DPH1: variants seen among roughly 807,000 people sequenced by gnomAD.
DPH1 encodes the protein diphthamide biosynthesis 1.
In DPH1, 59 loss-of-function variants were observed where a neutral mutation model predicts 55.3. The ratio of observed to expected loss-of-function variants is 1.07; its 90% CI spans 0.87 to 1.33. DPH1 has a LOEUF of 1.33. Ranked by LOEUF, DPH1 falls within the 40% of genes most tolerant of loss-of-function variation. The pLI is 0.00. For missense variants in DPH1, 628 were observed against 584.8 expected, an observed-to-expected ratio of 1.07 and a Z score of -0.76; for synonymous variants, 238 against 235.5, an observed-to-expected ratio of 1.01 and a Z score of -0.10.
At chr17:2,039,968 C>A (rs1324440903) in intron 7 of DPH1, 145 bp downstream of exon 7, 3 of 1,301,388 alleles carry the variant, frequency 2.3e-6, no homozygotes, top group African/African-American at 1.5e-5. Flanking sequence ...TGGATCTGGG[C>A]ATTAGCCCCA....
At chr17:2,035,285 G>T (rs1031489540) in intron 3 of DPH1, among the ~76,000 whole-genome samples, 1 of 150,128 alleles carries the variant, frequency 6.7e-6, no homozygotes, top group Admixed American at 6.6e-5. Flanking sequence ...CAGTTCCCAC[G>T]GCAGTGTTCT....
chr17:2,041,956 G>A (rs2067537702), intron 12 of DPH1, 81 bp downstream of exon 12: 5 of 1,522,328 alleles, frequency 3.3e-6, no homozygotes, highest in Non-Finnish European at 3.5e-6. Context: ...CCGCCCTCGG[G>A]GCGGTGCTGA....
intron 6 of DPH1, 139 bp from the exon 7 acceptor site, chr17:2,039,616 A>T (rs2067481377): frequency 2.2e-6 from 2 of 924,934 alleles, no homozygotes; most frequent in Non-Finnish European, 3.5e-6. Context: ...TGACCTCATG[A>T]TCCGCCCGCC....
intron 9 of DPH1, 123 bp from the exon 10 acceptor site, chr17:2,040,980 T>G (rs1461044779): frequency 5.2e-6 from 5 of 957,062 alleles, no homozygotes; most frequent in South Asian, 2.8e-5. Context: ...TCACTGTCTT[T>G]ACTTTAGGAT....
chr17:2,041,656 C>T, intron 11 of DPH1, 35 bp downstream of exon 11: 1 of 1,589,514 alleles, frequency 6.3e-7, no homozygotes, highest in Non-Finnish European at 8.6e-7. Context: ...GGAGAGACCG[C>T]GCCTGGGCAC....
intron 9 of DPH1, 90 bp from the exon 10 acceptor site, chr17:2,041,013 G>C: frequency 1.6e-6 from 2 of 1,222,930 alleles, no homozygotes; most frequent in East Asian, 2.5e-5. Flanking sequence ...TTAATGAATG[G>C]GTGTGCTGGG....
At position 2,037,484 on chromosome 17, in the gene DPH1, T is replaced by C. The variant is rs1205121471; in HGVS notation, c.680+528T>C. On this transcript the variant is annotated intron_variant, in intron 6 of 12. Coordinates refer to ENST00000263083, the MANE Select transcript of DPH1 (RefSeq NM_001383.6). ...TGACTCAGTCCCACCTCTGGGGCTTTGGAGGCTGTTTCCACAGGCCTGACA... is the reference window on the plus strand; with the variant it reads ...TGACTCAGTCCCACCTCTGGGGCTTCGGAGGCTGTTTCCACAGGCCTGACA... 2.0e-5 allele frequency among the ~76,000 whole-genome samples: 3 copies of C among 152,068 alleles called. No individual in the cohort carries two copies. The East Asian group carries it at 5.8e-4, about 29-fold the overall frequency.
chr17:2,034,985 T>C (rs954215994), intron 3 of DPH1: 1 of 150,996 alleles, frequency 6.6e-6, no homozygotes, highest in Non-Finnish European at 1.5e-5. Flanking sequence ...TTAAGTGCTG[T>C]GGCTGACTTA....
intron 6 of DPH1, among the ~76,000 whole-genome samples, chr17:2,038,746 C>T (rs1442781904): frequency 6.6e-6 from 1 of 152,172 alleles, no homozygotes; most frequent in Non-Finnish European, 1.5e-5. Context: ...TTACTGCTGG[C>T]GTAGATGACT....
chr17:2,033,079 T>C (rs2067353110), intron 1 of DPH1, among the ~76,000 whole-genome samples: 1 of 152,120 alleles, frequency 6.6e-6, no homozygotes, highest in African/African-American at 2.4e-5. Context: ...TAAAGTGAAT[T>C]AAGGGCTGGG....
rs1407563761 is a variant in DPH1 at position 2,041,885 on chromosome 17, C to A, written c.*18+10C>A. On this transcript the variant is annotated intron_variant, in intron 12 of 12. Transcript: ENST00000263083. ...CGCTCCCGGGCCTCAGGTATCAGCC[C>A]CCGCTCTGGGTGCGCCCCGCCTTTT... The A allele has an allele frequency of 6.4e-7, 1 of 1,564,630 alleles. No homozygotes were observed. Among genetic ancestry groups the A allele is most frequent in the South Asian group, 1.2e-5 (1 of 86,186 alleles).
rs573290529 is a variant in DPH1, at chr17:2,036,442, C to T, written c.401-87C>T. 1.5e-4 allele frequency: 235 copies of T among 1,533,180 alleles called. No homozygotes were observed. The highest frequency in any genetic ancestry group is 1.4e-3 in the African/African-American group (105 of 73,534). 95.0% of individuals were successfully genotyped at this position (1,533,180 alleles called of 1,614,324 possible). A position where few individuals can be genotyped will look rare whatever the true frequency, so the allele number is the denominator to read the frequency against. On this transcript the variant is annotated intron_variant, in intron 4 of 12. Transcript: ENST00000263083. The surrounding 1 kb of genome is among the most constrained non-coding windows in gnomAD (Gnocchi z 4.8). ...TTTTACCCCCAGGCTGAAGCCACTG[C>T]GCCTGGCTGCTCAGAGACCTGAGCC...
In DPH1 at chr17:2,041,014, G is replaced by C; in HGVS notation, c.1008-89G>C. ...ATTCATAAAGCCTGTTAATGAATGG[G>C]TGTGCTGGGGGCACTGTCATGTTCT... is the stretch of plus-strand genomic sequence containing the variant. On this transcript the variant is annotated intron_variant, in intron 9 of 12. Coordinates refer to ENST00000263083, the MANE Select transcript of DPH1 (RefSeq NM_001383.6). 4.8e-6 allele frequency: 6 copies of C among 1,242,186 alleles called. No individual in the cohort carries two copies. In the South Asian group the frequency reaches 7.7e-5, roughly 16 times the overall value. The allele number at this position is 1,242,186 out of a possible 1,614,324, so 76.9% of individuals were successfully genotyped here.
At position 2,042,841 on chromosome 17, in the gene DPH1, T is replaced by G; in HGVS notation, c.*255T>G. The G allele has an allele frequency of 1.2e-6, 2 of 1,614,110 alleles. No homozygotes were observed. Among genetic ancestry groups the G allele is most frequent in the Non-Finnish European group, 8.5e-7 (1 of 1,180,024 alleles). ...CCAGGCAGGCGATCCCCGCTTCCCC[T>G]TGCCACGGTTTATCCTCTTGGTGTC... On this transcript the variant is annotated 3_prime_UTR_variant, in exon 13 of 13. Coordinates refer to ENST00000263083, the MANE Select transcript of DPH1 (RefSeq NM_001383.6).
In DPH1 at chr17:2,030,174, C is replaced by T. The variant is rs778705666; in HGVS notation, c.5C>T (p.Ala2Val). 3.1e-6 allele frequency: 5 copies of T among 1,602,678 alleles called. No homozygotes were observed. Among genetic ancestry groups the T allele is most frequent in the Middle Eastern group, 1.7e-4 (1 of 6,022 alleles). MAALVVSGAAEQ... is the reference protein window; with the variant it reads MVALVVSGAAEQ... ...TACCACATGCGCAGGCAGGTGATGG[C>T]GGCGCTGGTCGTATCCGGGGCAGCG... The change falls in exon 1 of 13, where the codon GCG becomes GTG. Residue 2 changes from alanine (A) to valine (V), a missense_variant. By Grantham distance (64) the Ala-to-Val change is moderately conservative. Coordinates refer to ENST00000263083, the MANE Select transcript of DPH1 (RefSeq NM_001383.6).
At chr17:2,039,655 G>C (rs963098661) in intron 6 of DPH1, 100 bp from the exon 7 acceptor site, 8 of 1,441,150 alleles carry the variant, frequency 5.6e-6, no homozygotes, top group Non-Finnish European at 7.8e-6. Context: ...GGGATTACAG[G>C]CGTGAGCCAC....
At chr17:2,032,532 C>T (rs2067344945) in intron 1 of DPH1, among the ~76,000 whole-genome samples, 1 of 152,198 alleles carries the variant, frequency 6.6e-6, no homozygotes, top group East Asian at 1.9e-4. Flanking sequence ...GGATCTGGCC[C>T]TTAAACTTGG....
intron 12 of DPH1, chr17:2,042,196 A>AC (rs758702947): frequency 2.1e-5 from 30 of 1,413,828 alleles, no homozygotes; most frequent in Non-Finnish European, 2.8e-5. Flanking sequence ...CCGGTCCCCG[A>AC]CCCCCCGGGC....
Position 2,036,659 on chromosome 17 carries a change from C to T in DPH1, c.531C>T (p.Ser177=). The T allele has an allele frequency of 6.2e-7, 1 of 1,614,148 alleles. No individual in the cohort carries two copies. Among genetic ancestry groups the T allele is most frequent in the Non-Finnish European group, 8.5e-7 (1 of 1,180,014 alleles). ...CAGCCACTGCCCTTGCCCTGGTCAG[C>T]ACCATTCAGTTTGTGTCGACCTTGC... is the stretch of plus-strand genomic sequence containing the variant. ...FPPATALALV[S]TIQFVSTLQA... is the part of the protein sequence containing the mutation. Residue 177 remains serine, a synonymous_variant, in exon 5 of 13, where the codon AGC becomes AGT. Coordinates refer to ENST00000263083, the MANE Select transcript of DPH1 (RefSeq NM_001383.6). This position sits in a 1 kb window ranked among gnomAD's most constrained non-coding sequence, Gnocchi z 4.8.
Sources: gnomAD v4.1 joint callset for allele counts (sites outside exome capture counted in the v4.1 genomes callset) on GRCh38, gnomAD v4.1.1 for gene constraint, Gnocchi (gnomAD v3.1) non-coding constraint, MANE v1.5 for transcripts, NCBI Gene and HGNC (gene_info 2026-07-23, HGNC 2026-07-21) for gene names.